RAB11FIP5: variants seen among roughly 807,000 people sequenced by gnomAD.
RAB11FIP5 encodes the protein rab11 family-interacting protein 5.
RAB11FIP5 carries 48 observed loss-of-function variants against 85.1 expected under a neutral mutation model. The ratio of observed to expected loss-of-function variants is 0.56; its 90% CI spans 0.45 to 0.72. The LOEUF is 0.72. RAB11FIP5 is among the 30% of genes least tolerant of loss of function. The pLI, the probability that RAB11FIP5 is intolerant of heterozygous loss-of-function variation, is 0.00. For synonymous variants in RAB11FIP5, 729 were observed against 727.3 expected (o/e 1.00, Z -0.04); for missense variants, 1,491 against 1,687.0 (o/e 0.88, Z 2.04).
chr2:73,111,145 C>G (rs1270596807), intron 1 of RAB11FIP5, among the ~76,000 whole-genome samples: 1 of 152,112 alleles, frequency 6.6e-6, no homozygotes, highest in African/African-American at 2.4e-5. Context: ...ATGCCTGGAA[C>G]CTGCACTAAC....
chr2:73,101,027 A>G (rs1353506507), intron 1 of RAB11FIP5, among the ~76,000 whole-genome samples: 3 of 116,408 alleles, frequency 2.6e-5, no homozygotes, highest in Non-Finnish European at 5.2e-5. Context: ...TCTGGGAGAA[A>G]GGTTGGTGGT....
Position 73,088,073 on chromosome 2 carries a change from G to T in RAB11FIP5, c.1545C>A (p.Ala515=), listed in dbSNP as rs1684124379. 1.2e-6 allele frequency: 2 copies of T among 1,604,218 alleles called. No homozygotes were observed. Among genetic ancestry groups the T allele is most frequent in the Admixed American group, 1.7e-5 (1 of 59,224 alleles). Residue 515 remains alanine (A), a synonymous_variant, in exon 3 of 6, where the codon GCC becomes GCA. Coordinates refer to ENST00000486777, the MANE Select transcript of RAB11FIP5 (RefSeq NM_001371272.1). ...AKSSWFGLRE[A]KDPTQKPSLD... is the part of the protein sequence containing the mutation. ...ACCTGGGTTTCTGAGTCGGGTCCTT[G>T]GCTTCTCTCAAGCCAAACCAGCTAC...
In RAB11FIP5 at chr2:73,075,466, G is replaced by A. The variant is rs746031263; in HGVS notation, c.*55C>T. On this transcript the variant is annotated 3_prime_UTR_variant, in exon 6 of 6. Coordinates refer to ENST00000486777, the MANE Select transcript of RAB11FIP5 (RefSeq NM_001371272.1). This position sits in a 1 kb window ranked among gnomAD's most constrained non-coding sequence, Gnocchi z 4.6. ...GCAGATGAGAGAGTTCAGGAGGAGA[G>A]AGGGCAGGCAGCAATAGGTCCATGC... is the stretch of plus-strand genomic sequence containing the variant. The A allele has an allele frequency of 2.0e-6, 3 of 1,532,234 alleles. No homozygotes were observed. Among genetic ancestry groups the A allele is most frequent in the African/African-American group, 2.7e-5 (2 of 73,334 alleles). 94.9% of individuals were successfully genotyped at this position (1,532,234 alleles called of 1,614,324 possible). A position where few individuals can be genotyped will look rare whatever the true frequency, so the allele number is the denominator to read the frequency against.
chr2:73,080,836 T>C lies in RAB11FIP5; in HGVS notation c.2396A>G (p.Glu799Gly), dbSNP rs536978812. 2 of 1,232,346 alleles carry C rather than the reference T, an allele frequency of 1.6e-6. No homozygotes were observed. Among genetic ancestry groups the C allele is most frequent in the Admixed American group, 8.4e-5 (2 of 23,722 alleles). The allele number at this position is 1,232,346 out of a possible 1,614,324, so 76.3% of individuals were successfully genotyped here. A position where few individuals can be genotyped will look rare whatever the true frequency, so the allele number is the denominator to read the frequency against. ...FSSPEVISVWERLPGPESAAE... is the reference protein window; with the variant it reads ...FSSPEVISVWGRLPGPESAAE... ...AGCGCTCTCTGGGCCCGGCAGCCTC[T>C]CCCACACACTGATCACTTCTGGGGA... is the stretch of plus-strand genomic sequence containing the variant. The change falls in exon 4 of 6, where the codon GAG (glutamate) becomes GGG (glycine). Residue 799 changes from glutamate to glycine, a missense_variant. Glu to Gly is a moderately conservative substitution (Grantham distance 98). Coordinates refer to ENST00000486777, the MANE Select transcript of RAB11FIP5 (RefSeq NM_001371272.1).
In RAB11FIP5 at chr2:73,081,682, C is replaced by T. The variant is rs1027033328; in HGVS notation, c.1569-19G>A. The T allele has an allele frequency of 8.1e-7, 1 of 1,231,782 alleles. No individual in the cohort carries two copies. Among genetic ancestry groups the T allele is most frequent in the Non-Finnish European group, 1.0e-6 (1 of 987,668 alleles). The allele number at this position is 1,231,782 out of a possible 1,614,324, so 76.3% of individuals were successfully genotyped here. On this transcript the variant is annotated intron_variant, in intron 3 of 5. Transcript: ENST00000486777. The surrounding 1 kb of genome is among the most constrained non-coding windows in gnomAD (Gnocchi z 4.2). Reference sequence around the variant, plus strand: ...GTCCAGGCTGTGGAGGGAGACAAAACCGTGAGCCTCCTGGTTAATGCCAAG... The same window carrying T: ...GTCCAGGCTGTGGAGGGAGACAAAATCGTGAGCCTCCTGGTTAATGCCAAG...
At chr2:73,093,427 C>G (rs1381059671) in intron 1 of RAB11FIP5, among the ~76,000 whole-genome samples, 1 of 152,200 alleles carries the variant, frequency 6.6e-6, no homozygotes, top group Non-Finnish European at 1.5e-5. Flanking sequence ...CAAGGTCTCC[C>G]TTGCTGGACT....
chr2:73,079,251 CCT>C (rs564092672), intron 4 of RAB11FIP5, among the ~76,000 whole-genome samples: 165 of 152,204 alleles, frequency 1.1e-3, no homozygotes, highest in African/African-American at 2.9e-3. Context: ...AGAACTACCC[CCT>C]GATTGACAAG....
At chr2:73,098,608 C>T (rs1322199871) in intron 1 of RAB11FIP5, among the ~76,000 whole-genome samples, 2 of 152,116 alleles carry the variant, frequency 1.3e-5, no homozygotes, top group Non-Finnish European at 2.9e-5. Flanking sequence ...CCAGAGCCCC[C>T]GACCTTGACC....
At chr2:73,101,602 C>T (rs1654943741) in intron 1 of RAB11FIP5, among the ~76,000 whole-genome samples, 1 of 152,182 alleles carries the variant, frequency 6.6e-6, no homozygotes, top group South Asian at 2.1e-4. Flanking sequence ...TGACATTAGA[C>T]TCCTGCGGAG....
At position 73,112,426 on chromosome 2, in the gene RAB11FIP5, TGAGC is replaced by T; in HGVS notation, c.348_351del (p.Leu117SerfsTer56). ...TGGCCCAGGAACTTGTCGACGCCGA[TGAGC>T]GAGCGGTGCATGGTGGTGAGCACCA... On this transcript the variant is annotated frameshift_variant, in exon 1 of 6. Coordinates refer to ENST00000486777, the MANE Select transcript of RAB11FIP5 (RefSeq NM_001371272.1). LOFTEE classifies it high-confidence loss of function. The T allele has an allele frequency of 6.2e-7, 1 of 1,601,806 alleles. No homozygotes were observed. Among genetic ancestry groups the T allele is most frequent in the Non-Finnish European group, 8.5e-7 (1 of 1,176,544 alleles).
intron 1 of RAB11FIP5, among the ~76,000 whole-genome samples, chr2:73,110,781 G>A (rs1684640627): frequency 2.0e-5 from 3 of 151,894 alleles, no homozygotes; most frequent in Admixed American, 2.0e-4. Flanking sequence ...CCTTTTTTTG[G>A]TCTGCCTCCT....
In RAB11FIP5 at chr2:73,081,002, C is replaced by G. The variant is rs1049624711; in HGVS notation, c.2230G>C (p.Gly744Arg). The change falls in exon 4 of 6, where the codon GGG becomes CGG. Residue 744 changes from glycine to arginine, a missense_variant. Physicochemically the swap from Gly to Arg is moderately radical, Grantham distance 125 (BLOSUM62 -2). Transcript: ENST00000486777. This position sits in a 1 kb window ranked among gnomAD's most constrained non-coding sequence, Gnocchi z 4.2. ...SASAADPGLL[G>R]SVGAGLPSSS... ...GAGGGCAGGCCAGCCCCTACCGACC[C>G]GAGGAGCCCTGGGTCAGCCGCGCTC... 8 of 1,232,244 alleles carry G rather than the reference C, an allele frequency of 6.5e-6. No individual in the cohort carries two copies. The highest frequency in any genetic ancestry group is 1.6e-5 in the African/African-American group (1 of 64,416). The allele number at this position is 1,232,244 out of a possible 1,614,324, so 76.3% of individuals were successfully genotyped here. A position where few individuals can be genotyped will look rare whatever the true frequency, so the allele number is the denominator to read the frequency against.
rs149544301 is a variant in RAB11FIP5 at position 73,082,277 on chromosome 2, G to A, written c.1569-614C>T. Among the ~76,000 whole-genome samples, 901 of 152,124 alleles carry A rather than the reference G, an allele frequency of 5.9e-3. 10 individuals carry two copies. Among genetic ancestry groups the A allele is most frequent in the African/African-American group, 0.021 (867 of 41,486 alleles). ...GCCCACCTGGCCTCCCAAAGTTCTG[G>A]GATTACAAACATGAGCCACTAAGCC... On this transcript the variant is annotated intron_variant, in intron 3 of 5. Transcript: ENST00000486777.
chr2:73,088,642 C>A lies in RAB11FIP5; in HGVS notation c.976G>T (p.Gly326Cys). 6.2e-7 allele frequency: 1 copy of A among 1,613,254 alleles called. No homozygotes were observed. Among genetic ancestry groups the A allele is most frequent in the Non-Finnish European group, 8.5e-7 (1 of 1,180,018 alleles). ...GAGCGGGAGGCAGCATCCAGGTGGC[C>A]CTGAAGGTCCAGAAGGGCCCGAGGA... is the stretch of plus-strand genomic sequence containing the variant. ...APPRALLDLQ[G>C]HLDAASRSSL... The change falls in exon 3 of 6, where the codon GGC (glycine) becomes TGC (cysteine). Residue 326 changes from glycine to cysteine, a missense_variant. This residue lies in a region of RAB11FIP5 where 1,211 missense variants were observed against 1,338.0 expected (regional missense o/e 0.91). Transcript: ENST00000486777.
chr2:73,088,414 C>G lies in RAB11FIP5; in HGVS notation c.1204G>C (p.Gly402Arg), dbSNP rs1558519240. Residue 402 changes from glycine to arginine, a missense_variant, in exon 3 of 6, where the codon GGA (glycine) becomes CGA (arginine). Gly to Arg is a moderately radical substitution (Grantham distance 125). Around this residue, in one of 3 missense-constraint regions of RAB11FIP5, gnomAD observed 1,211 missense variants for 1,338.0 expected, o/e 0.91. Transcript: ENST00000486777. ...RSNSSSEAVL[G>R]QEELSAQAKV... ...GCCTGAGCACTCAGCTCCTCCTGTCCAAGCACTGCCTCTGAGCTGCTGTTG... is the reference window on the plus strand; with the variant it reads ...GCCTGAGCACTCAGCTCCTCCTGTCGAAGCACTGCCTCTGAGCTGCTGTTG... 6.2e-7 allele frequency: 1 copy of G among 1,613,920 alleles called. No homozygotes were observed. The highest frequency in any genetic ancestry group is 1.6e-4 in the Middle Eastern group (1 of 6,062).
Position 73,085,158 on chromosome 2 carries a change from C to T in RAB11FIP5, c.1568+2892G>A, listed in dbSNP as rs996023363. Among the ~76,000 whole-genome samples the T allele has an allele frequency of 2.6e-5, 4 of 152,176 alleles. No homozygotes were observed. In the South Asian group the frequency reaches 8.3e-4, roughly 32 times the overall value. ...AGCACATTATAGTTACTCATTTACA[C>T]CACCAAGAATGCAGCCAAGCTCCTT... is the stretch of plus-strand genomic sequence containing the variant. On this transcript the variant is annotated intron_variant, in intron 3 of 5. Coordinates refer to ENST00000486777, the MANE Select transcript of RAB11FIP5 (RefSeq NM_001371272.1).
At chr2:73,098,046 A>G (rs1446684519) in intron 1 of RAB11FIP5, among the ~76,000 whole-genome samples, 1 of 152,214 alleles carries the variant, frequency 6.6e-6, no homozygotes, top group African/African-American at 2.4e-5. Context: ...TGAGGTTGAT[A>G]TGGGAGGCAG....
At chr2:73,087,770 G>C (rs1264931394) in intron 3 of RAB11FIP5, among the ~76,000 whole-genome samples, 1 of 152,276 alleles carries the variant, frequency 6.6e-6, no homozygotes. Flanking sequence ...TCCAGCTCAG[G>C]GGGTGGGCAT....
In RAB11FIP5 at chr2:73,080,061, G is replaced by C; in HGVS notation, c.3171C>G (p.Val1057=). The C allele has an allele frequency of 8.1e-7, 1 of 1,232,220 alleles. No homozygotes were observed. The highest frequency in any genetic ancestry group is 1.0e-6 in the Non-Finnish European group (1 of 988,034). The allele number at this position is 1,232,220 out of a possible 1,614,324, so 76.3% of individuals were successfully genotyped here. Residue 1057 remains valine (V), a synonymous_variant, in exon 4 of 6, where the codon GTC becomes GTG. Transcript: ENST00000486777. ...SATSQQADVW[V]SKEDALNPFL... ...AGGGGTTCAAGGCATCTTCCTTGGA[G>C]ACCCACACATCAGCCTGCTGGGAGG...
Sources: gnomAD v4.1 joint callset for allele counts (sites outside exome capture counted in the v4.1 genomes callset) on GRCh38, gnomAD v4.1.1 for gene constraint, gnomAD v4.1.1 regional missense constraint, Gnocchi (gnomAD v3.1) non-coding constraint, MANE v1.5 for transcripts, NCBI Gene and HGNC (gene_info 2026-07-23, HGNC 2026-07-21) for gene names.